SPDYE2: variants seen among roughly 807,000 people sequenced by gnomAD.
SPDYE2 encodes the protein speedy protein E2.
For missense variants in SPDYE2, 1 was observed against 121.0 expected, an observed-to-expected ratio of 0.01 and a Z score of 4.65; for synonymous variants, 2 against 45.1, an observed-to-expected ratio of 0.04 and a Z score of 3.83.
chr7:102,555,027 G>C (rs1431787102), intron 3 of SPDYE2, among the ~76,000 whole-genome samples: 2 of 136,436 alleles, frequency 1.5e-5, no homozygotes, highest in African/African-American at 5.4e-5. Flanking sequence ...TGGATCACTT[G>C]AGGTCAGTTG....
At position 102,559,762 on chromosome 7, in the gene SPDYE2, G is replaced by A. The variant is rs1435677485; in HGVS notation, c.756-838G>A. 1.9e-3 allele frequency among the ~76,000 whole-genome samples: 18 copies of A among 9,562 alleles called. 1 individual carries two copies. The highest frequency in any genetic ancestry group is 5.2e-3 in the Non-Finnish European group (18 of 3,478). The allele number at this position is 9,562 out of a possible 152,430, so 6.3% of individuals were successfully genotyped here. Reference sequence around the variant, plus strand: ...GATGCCTGTAGAAGGCAGGGTCCTGGCAAAATATCAATGTATTCAATTTCT... The same window carrying A: ...GATGCCTGTAGAAGGCAGGGTCCTGACAAAATATCAATGTATTCAATTTCT... On this transcript the variant is annotated intron_variant, in intron 6 of 8. Transcript: ENST00000507918.
At chr7:102,563,409 T>C (rs1359973790) in exon 9 of SPDYE2, 1 of 66,428 alleles carries the variant, frequency 1.5e-5, no homozygotes, top group Non-Finnish European at 3.1e-5. Flanking sequence ...GGCATGTTTG[T>C]ATGTTACTTT....
chr7:102,555,050 C>A (rs1800733925), intron 3 of SPDYE2, among the ~76,000 whole-genome samples: 1 of 138,116 alleles, frequency 7.2e-6, no homozygotes, highest in Non-Finnish European at 1.6e-5. Flanking sequence ...CGAGACCAAC[C>A]AGACCAATAT....
chr7:102,555,337 G>A, intron 3 of SPDYE2, among the ~76,000 whole-genome samples: 1 of 135,612 alleles, frequency 7.4e-6, no homozygotes, highest in African/African-American at 2.7e-5. Flanking sequence ...ACTGAGGCAG[G>A]GTGCAGTGGC....
chr7:102,564,508 T>C (rs1800988832), downstream of SPDYE2: 2 of 149,638 alleles, frequency 1.3e-5, no homozygotes, highest in African/African-American at 4.8e-5. Context: ...CCTTGTGATT[T>C]TTCTTTTTCC....
At chr7:102,564,787 G>A (rs1222623287), downstream of SPDYE2, 4 of 151,114 alleles carry the variant, frequency 2.6e-5, no homozygotes, top group African/African-American at 9.7e-5. Context: ...TGCCTCCTGG[G>A]TTCACGCCAT....
At chr7:102,551,677 CTT>C (rs1432394406) in intron 1 of SPDYE2, among the ~76,000 whole-genome samples, 2 of 46,576 alleles carry the variant, frequency 4.3e-5, no homozygotes, top group African/African-American at 7.6e-5. Context: ...GAGTTTTGCT[CTT>C]GTTGCCCAGG....
exon 9 of SPDYE2, chr7:102,563,135 T>C (rs1242562778): frequency 7.3e-4 from 107 of 146,140 alleles, no homozygotes; most frequent in African/African-American, 2.5e-3. Flanking sequence ...TTATAACTGT[T>C]ATATACACAT....
At chr7:102,564,503 T>G (rs1293136269), downstream of SPDYE2, 1 of 147,882 alleles carries the variant, frequency 6.8e-6, no homozygotes, top group Non-Finnish European at 1.5e-5. Flanking sequence ...CAATTCCTTG[T>G]GATTTTTCTT....
At chr7:102,564,796 A>G (rs1801001617), downstream of SPDYE2, 6 of 149,816 alleles carry the variant, frequency 4.0e-5, no homozygotes, top group Admixed American at 4.0e-4. Context: ...GGTTCACGCC[A>G]TTCTCCTGCC....
intron 3 of SPDYE2, among the ~76,000 whole-genome samples, chr7:102,554,993 A>G (rs1055423745): frequency 7.5e-6 from 1 of 133,018 alleles, no homozygotes; most frequent in Admixed American, 7.6e-5. Flanking sequence ...CTGTAATCCC[A>G]TTACTTTGGG....
At chr7:102,555,253 A>G (rs1369505673) in intron 3 of SPDYE2, among the ~76,000 whole-genome samples, 3 of 133,968 alleles carry the variant, frequency 2.2e-5, no homozygotes, top group African/African-American at 8.2e-5. Flanking sequence ...AAAAAAAAAA[A>G]AAAAAAAGAA....
chr7:102,554,218 A>G (rs1321990585), intron 2 of SPDYE2, 141 bp from the exon 3 acceptor site: 1 of 1,500,684 alleles, frequency 6.7e-7, no homozygotes, highest in African/African-American at 1.4e-5. Flanking sequence ...GGTTGAGCAG[A>G]GGAGAAAATC....
At chr7:102,554,203 C>G (rs1800675949) in intron 2 of SPDYE2, 156 bp from the exon 3 acceptor site, 1 of 985,390 alleles carries the variant, frequency 1.0e-6, no homozygotes, top group Non-Finnish European at 1.2e-6. Flanking sequence ...AGGAGCGGCA[C>G]ATGGGGTTGA....
downstream of SPDYE2, chr7:102,564,926 C>T (rs1325853984): frequency 2.8e-5 from 4 of 142,634 alleles, no homozygotes; most frequent in Admixed American, 7.2e-5. Flanking sequence ...CTCCTGACCT[C>T]GTGATCTGCC....
intron 3 of SPDYE2, among the ~76,000 whole-genome samples, chr7:102,554,992 C>T (rs1338039678): frequency 1.5e-5 from 2 of 132,888 alleles, no homozygotes; most frequent in African/African-American, 5.4e-5. Flanking sequence ...CCTGTAATCC[C>T]ATTACTTTGG....
chr7:102,564,477 C>T (rs1800987777), downstream of SPDYE2: 3 of 145,092 alleles, frequency 2.1e-5, no homozygotes, highest in Admixed American at 6.8e-5. Flanking sequence ...CTGTGAAAGA[C>T]AGGCACTCTG....
chr7:102,551,258 C>T (rs1193077139), exon 1 of SPDYE2: 1 of 153,722 alleles, frequency 6.5e-6, no homozygotes, highest in Non-Finnish European at 1.5e-5. Context: ...AGATCTGGGC[C>T]CAGGACTTTG....
chr7:102,563,109 AGCTGTG>A (rs1204592725), exon 9 of SPDYE2: 14 of 148,196 alleles, frequency 9.4e-5, no homozygotes, highest in Non-Finnish European at 1.5e-5. Flanking sequence ...GTTTCTATAA[AGCTGTG>A]TGATGGATAT....
Sources: gnomAD v4.1 joint callset for allele counts (sites outside exome capture counted in the v4.1 genomes callset) on GRCh38, gnomAD v4.1.1 for gene constraint, MANE v1.5 for transcripts, NCBI Gene and HGNC (gene_info 2026-07-23, HGNC 2026-07-21) for gene names.